CPQ: variants seen among roughly 807,000 people sequenced by gnomAD.
CPQ encodes the protein Ser-Met dipeptidase.
A neutral mutation model predicts 45.7 loss-of-function variants in CPQ; 37 were observed. The observed-to-expected ratio is 0.81, with a 90% CI of 0.62 to 1.07. CPQ has a LOEUF of 1.07. Among genes scored for constraint, CPQ ranks in the 50% least tolerant of loss-of-function variants. The pLI is 0.00. For missense variants in CPQ, 537 were observed against 572.9 expected, an observed-to-expected ratio of 0.94 and a Z score of 0.64; for synonymous variants, 186 against 205.8, an observed-to-expected ratio of 0.90 and a Z score of 0.82.
At chr8:97,043,843 CGA>C (rs1240494155) in intron 6 of CPQ, among the ~76,000 whole-genome samples, 1 of 152,142 alleles carries the variant, frequency 6.6e-6, no homozygotes, top group Non-Finnish European at 1.5e-5. Context: ...GAGTTTCTGC[CGA>C]GAGATCCGCT....
chr8:97,073,271 A>G (rs1586527218), intron 7 of CPQ, among the ~76,000 whole-genome samples: 2 of 152,208 alleles, frequency 1.3e-5, no homozygotes, highest in Non-Finnish European at 2.9e-5. Flanking sequence ...TACATTTGCA[A>G]AGGCCTTTCC....
chr8:96,707,723 T>C (rs984634224), intron 1 of CPQ, among the ~76,000 whole-genome samples: 6 of 152,082 alleles, frequency 3.9e-5, no homozygotes, highest in African/African-American at 1.4e-4. Flanking sequence ...CAACACAGAT[T>C]TATTATTTTG....
intron 6 of CPQ, chr8:97,055,671 A>C (rs563760267): frequency 1.3e-5 from 2 of 152,358 alleles, no homozygotes; most frequent in Admixed American, 1.3e-4. Context: ...AAATAGAGCC[A>C]ACAAGATTTG....
At chr8:96,678,758 CT>C (rs71267274) in intron 1 of CPQ, among the ~76,000 whole-genome samples, 2,921 of 114,864 alleles carry the variant, frequency 0.025, 130 homozygotes, top group African/African-American at 0.092. Context: ...ATTATTTGGG[CT>C]TTTTTTTTTT....
intron 1 of CPQ, among the ~76,000 whole-genome samples, chr8:96,745,237 G>T (rs1392043777): frequency 6.6e-6 from 1 of 152,124 alleles, no homozygotes; most frequent in Non-Finnish European, 1.5e-5. Flanking sequence ...GAACCCAGGA[G>T]GTGGAGGTTG....
intron 3 of CPQ, among the ~76,000 whole-genome samples, chr8:96,866,912 C>T (rs536603371): frequency 1.3e-5 from 2 of 152,048 alleles, no homozygotes; most frequent in Non-Finnish European, 2.9e-5. Context: ...GCCATTTTAC[C>T]AATGTCCTGT....
intron 4 of CPQ, among the ~76,000 whole-genome samples, chr8:96,920,524 C>T (rs1384336244): frequency 6.6e-6 from 1 of 152,092 alleles, no homozygotes; most frequent in East Asian, 1.9e-4. Flanking sequence ...TTCAATATCC[C>T]ACCCACCACA....
In CPQ at chr8:97,012,865, A is replaced by C. The variant is rs557431620; in HGVS notation, c.962-16538A>C. On this transcript the variant is annotated intron_variant, in intron 5 of 7. Coordinates refer to ENST00000220763, the MANE Select transcript of CPQ (RefSeq NM_016134.4). ...TGTAAACACCTCGCAGTTTGCTCTA[A>C]ATTTTCTTTTATCTCAAGGATGCAA... 4.3e-4 allele frequency among the ~76,000 whole-genome samples: 66 copies of C among 152,228 alleles called. 2 individuals carry two copies. The South Asian group carries it at 0.012, about 27-fold the overall frequency.
chr8:96,939,173 C>T lies in CPQ; in HGVS notation c.850-26762C>T, dbSNP rs145247142. The stretch of plus-strand genomic sequence containing the variant: ...AACCTAAGATCACTAATACCATCGA[C>T]CTTAGTCAATCAAACTACTTGACCT... On this transcript the variant is annotated intron_variant, in intron 4 of 7. Transcript: ENST00000220763. 4.1e-3 allele frequency among the ~76,000 whole-genome samples: 627 copies of T among 152,330 alleles called. 4 individuals carry two copies. Among genetic ancestry groups the T allele is most frequent in the Non-Finnish European group, 6.2e-3 (424 of 68,024 alleles).
intron 1 of CPQ, among the ~76,000 whole-genome samples, chr8:96,700,079 G>A (rs1335738316): frequency 6.6e-6 from 1 of 152,156 alleles, no homozygotes; most frequent in Admixed American, 6.6e-5. Flanking sequence ...GCTAGATGTT[G>A]CATGAGGTGA....
chr8:96,802,249 A>G (rs1013827638), intron 2 of CPQ, among the ~76,000 whole-genome samples: 1 of 152,182 alleles, frequency 6.6e-6, no homozygotes, highest in Non-Finnish European at 1.5e-5. Context: ...TTAGTGCTCT[A>G]GAATTAATTA....
At chr8:96,983,092 T>G (rs1813934426) in intron 5 of CPQ, among the ~76,000 whole-genome samples, 2 of 152,190 alleles carry the variant, frequency 1.3e-5, no homozygotes. Flanking sequence ...CTTCTCCCTC[T>G]GCAGATGTAA....
At chr8:96,835,762 T>C (rs1425609488) in intron 3 of CPQ, among the ~76,000 whole-genome samples, 1 of 152,222 alleles carries the variant, frequency 6.6e-6, no homozygotes, top group African/African-American at 2.4e-5. Flanking sequence ...ATGTACAAAA[T>C]AATTTTGAGA....
intron 6 of CPQ, among the ~76,000 whole-genome samples, chr8:97,038,685 AC>A (rs913569736): frequency 2.6e-5 from 4 of 151,558 alleles, no homozygotes; most frequent in African/African-American, 9.7e-5. Flanking sequence ...GGGTTGGCAA[AC>A]TTTTTTTTTT....
Position 96,835,156 on chromosome 8 carries a change from C to A in CPQ, c.617C>A (p.Ser206Tyr). Residue 206 changes from serine to tyrosine, a missense_variant, in exon 3 of 8, where the codon TCC becomes TAC. Physicochemically the swap from Ser to Tyr is moderately radical, Grantham distance 144 (BLOSUM62 -2). Transcript: ENST00000220763. ...GGGGCTTTGGCATCTCTCATTCGAT[C>A]CGTGGCCTCCTTCTCCATCTACAGG... ...KVGALASLIR[S>Y]VASFSIYSPH... 6.6e-7 allele frequency: 1 copy of A among 1,525,072 alleles called. No homozygotes were observed. Among genetic ancestry groups the A allele is most frequent in the Non-Finnish European group, 8.8e-7 (1 of 1,130,836 alleles). The allele number at this position is 1,525,072 out of a possible 1,614,324, so 94.5% of individuals were successfully genotyped here.
intron 1 of CPQ, among the ~76,000 whole-genome samples, chr8:96,652,631 G>T (rs1815589063): frequency 6.6e-6 from 1 of 152,024 alleles, no homozygotes; most frequent in South Asian, 2.1e-4. Context: ...ATTGTCACCA[G>T]AATTTTTTTT....
intron 6 of CPQ, among the ~76,000 whole-genome samples, chr8:97,049,804 T>C (rs1277413141): frequency 1.3e-5 from 2 of 152,320 alleles, no homozygotes; most frequent in East Asian, 3.9e-4. Flanking sequence ...AGTCTGCAGA[T>C]GTCTCTGAAC....
chr8:97,131,122 C>G (rs1050133490), intron 7 of CPQ, among the ~76,000 whole-genome samples: 2 of 152,240 alleles, frequency 1.3e-5, no homozygotes, highest in Non-Finnish European at 2.9e-5. Flanking sequence ...AAGGGTAATT[C>G]GCCTTGTGTC....
At chr8:96,732,243 C>T (rs1809922100) in intron 1 of CPQ, 2 of 152,166 alleles carry the variant, frequency 1.3e-5, no homozygotes, top group African/African-American at 4.8e-5. Context: ...ACAAAGCTGG[C>T]AACAATTTCC....
Sources: allele counts gnomAD v4.1 joint callset (sites outside exome capture counted in the v4.1 genomes callset), GRCh38; gene constraint gnomAD v4.1.1; transcripts MANE v1.5; gene names NCBI Gene and HGNC (gene_info 2026-07-23, HGNC 2026-07-21).